The following PALM2AKAP2 variants were observed in gnomAD, a reference collection of about 807,000 sequenced individuals.
PALM2AKAP2 encodes the protein PALM2-AKAP2 fusion protein.
Under a neutral mutation model 71.5 loss-of-function variants are expected in PALM2AKAP2, and 37 were observed. The observed-to-expected ratio is 0.52, with a 90% CI of 0.40 to 0.68. The LOEUF (loss-of-function observed/expected upper bound fraction) is 0.68. PALM2AKAP2 is among the 30% of genes least tolerant of loss of function. The pLI is 0.00. For synonymous variants in PALM2AKAP2, 468 were observed against 478.8 expected, an observed-to-expected ratio of 0.98 and a Z score of 0.29; for missense variants, 1,224 against 1,191.8, an observed-to-expected ratio of 1.03 and a Z score of -0.40.
chr9:109,671,403 G>A (rs576347086), intron 1 of PALM2AKAP2, among the ~76,000 whole-genome samples: 10 of 152,070 alleles, frequency 6.6e-5, no homozygotes, highest in Middle Eastern at 3.4e-3. Flanking sequence ...GTTGAAGAAC[G>A]GATAGTTGTA....
chr9:109,997,634 A>T (rs1021384577), intron 6 of PALM2AKAP2, among the ~76,000 whole-genome samples: 1 of 152,244 alleles, frequency 6.6e-6, no homozygotes, highest in Admixed American at 6.5e-5. Flanking sequence ...AAAATAACTT[A>T]TCCAAAAGAT....
intron 1 of PALM2AKAP2, among the ~76,000 whole-genome samples, chr9:109,863,623 T>C (rs1435124984): frequency 1.3e-5 from 2 of 152,182 alleles, no homozygotes; most frequent in Non-Finnish European, 2.9e-5. Flanking sequence ...ACCAGTGGGC[T>C]ATCCCGGTGA....
intron 1 of PALM2AKAP2, among the ~76,000 whole-genome samples, chr9:109,832,071 G>A (rs1353891038): frequency 6.6e-6 from 1 of 152,110 alleles, no homozygotes; most frequent in Non-Finnish European, 1.5e-5. Context: ...TCACAGACAG[G>A]GAGGCAAGGG....
At chr9:109,842,899 G>A (rs1461244826) in intron 1 of PALM2AKAP2, among the ~76,000 whole-genome samples, 1 of 151,964 alleles carries the variant, frequency 6.6e-6, no homozygotes, top group Non-Finnish European at 1.5e-5. Flanking sequence ...CCAGCACTTT[G>A]GGAGGCCAAT....
chr9:110,139,510 A>G lies in PALM2AKAP2; in HGVS notation c.2569+971A>G, dbSNP rs182666290. 5.9e-5 allele frequency among the ~76,000 whole-genome samples: 9 copies of G among 152,316 alleles called. No homozygotes were observed. The East Asian group carries it at 1.3e-3, about 23-fold the overall frequency. On this transcript the variant is annotated intron_variant, in intron 2 of 3. Coordinates refer to ENST00000374525, the Ensembl canonical transcript of PALM2AKAP2. Reference sequence around the variant, plus strand: ...TGAAATCCAAGCGTGGGATTTTTGTATTTTACAAAACTATTGCTTCATAAT... The same window carrying G: ...TGAAATCCAAGCGTGGGATTTTTGTGTTTTACAAAACTATTGCTTCATAAT...
At chr9:109,847,104 ATG>A (rs943887469) in intron 1 of PALM2AKAP2, among the ~76,000 whole-genome samples, 13 of 151,614 alleles carry the variant, frequency 8.6e-5, no homozygotes. Flanking sequence ...CCTGGGACCT[ATG>A]TGTGTGACCT....
chr9:109,974,289 T>C (rs576892079), intron 6 of PALM2AKAP2, among the ~76,000 whole-genome samples: 1 of 152,338 alleles, frequency 6.6e-6, no homozygotes, highest in South Asian at 2.1e-4. Flanking sequence ...TCAATGCCGA[T>C]GGGCATATGC....
intron 1 of PALM2AKAP2, among the ~76,000 whole-genome samples, chr9:110,105,353 T>C (rs1835094122): frequency 6.6e-6 from 1 of 152,220 alleles, no homozygotes; most frequent in Non-Finnish European, 1.5e-5. Context: ...ATATTATTGC[T>C]ACTTAAAACT....
chr9:109,881,753 G>C (rs1235157531), intron 3 of PALM2AKAP2, among the ~76,000 whole-genome samples: 1 of 152,048 alleles, frequency 6.6e-6, no homozygotes, highest in Non-Finnish European at 1.5e-5. Context: ...ATATGAGATA[G>C]GGATGGAAGG....
chr9:109,787,626 AC>A (rs1377091285), intron 1 of PALM2AKAP2, among the ~76,000 whole-genome samples: 1 of 152,200 alleles, frequency 6.6e-6, no homozygotes, highest in African/African-American at 2.4e-5. Flanking sequence ...AGCAGATGCC[AC>A]CTCTCAGTTA....
chr9:109,826,755 G>A (rs1014915516), intron 1 of PALM2AKAP2, among the ~76,000 whole-genome samples: 1 of 152,188 alleles, frequency 6.6e-6, no homozygotes, highest in African/African-American at 2.4e-5. Context: ...TGAATGGAGA[G>A]TGGATGTGTC....
chr9:110,073,767 C>A (rs1362905949), intron 1 of PALM2AKAP2, among the ~76,000 whole-genome samples: 6 of 152,124 alleles, frequency 3.9e-5, no homozygotes, highest in Admixed American at 3.9e-4. Context: ...AAAATTGTTT[C>A]AGGGATACTA....
intron 1 of PALM2AKAP2, among the ~76,000 whole-genome samples, chr9:109,748,245 T>A (rs767872407): frequency 3.9e-5 from 6 of 152,014 alleles, no homozygotes; most frequent in Non-Finnish European, 7.4e-5. Flanking sequence ...CCATGGCAAA[T>A]GCAAATACCC....
intron 1 of PALM2AKAP2, among the ~76,000 whole-genome samples, chr9:109,844,546 G>A (rs1358333986): frequency 6.6e-6 from 1 of 152,208 alleles, no homozygotes; most frequent in African/African-American, 2.4e-5. Context: ...GGGAAGCTGG[G>A]TAATGAATAG....
At chr9:109,716,286 G>A (rs561123943) in intron 1 of PALM2AKAP2, among the ~76,000 whole-genome samples, 45 of 152,184 alleles carry the variant, frequency 3.0e-4, no homozygotes, top group African/African-American at 9.4e-4. Flanking sequence ...TGATGAAGGC[G>A]TAACTGTGCA....
At chr9:110,136,799 A>C in exon 2 of PALM2AKAP2, 1 of 1,614,220 alleles carries the variant, frequency 6.2e-7, no homozygotes, top group Admixed American at 1.7e-5. Context: ...CCATGAGGAC[A>C]AGAAGCCCTC....
chr9:110,000,924 G>A (rs1832670800), intron 6 of PALM2AKAP2, among the ~76,000 whole-genome samples: 1 of 152,190 alleles, frequency 6.6e-6, no homozygotes, highest in African/African-American at 2.4e-5. Context: ...CCCTTCATCA[G>A]ATGAGTAGAT....
intron 2 of PALM2AKAP2, among the ~76,000 whole-genome samples, chr9:110,138,782 T>C (rs1367417464): frequency 6.6e-6 from 1 of 152,256 alleles, no homozygotes; most frequent in Non-Finnish European, 1.5e-5. Flanking sequence ...TCCTTCTTTG[T>C]TGTTCTGCTT....
intron 1 of PALM2AKAP2, among the ~76,000 whole-genome samples, chr9:109,703,792 T>TA (rs932760937): frequency 1.3e-5 from 2 of 152,090 alleles, no homozygotes; most frequent in African/African-American, 4.8e-5. Context: ...GGTACTGAGG[T>TA]AAAAAAATTA....
Sources: allele counts gnomAD v4.1 joint callset (sites outside exome capture counted in the v4.1 genomes callset), GRCh38; gene constraint gnomAD v4.1.1; transcripts MANE v1.5; gene names NCBI Gene and HGNC (gene_info 2026-07-23, HGNC 2026-07-21).